ENOX2: variants seen among roughly 807,000 people sequenced by gnomAD.
The protein encoded by ENOX2 is ecto-NOX disulfide-thiol exchanger 2, also known as APK1 antigen.
ENOX2 carries 36 observed loss-of-function variants against 45.0 expected under a neutral mutation model. The observed-to-expected ratio is 0.80, with a 90% CI of 0.61 to 1.06. The LOEUF is 1.06. ENOX2 is among the 50% of genes least tolerant of loss of function. The pLI is 0.00. For synonymous variants in ENOX2, 174 were observed against 152.3 expected (o/e 1.14, Z -1.05); for missense variants, 423 against 462.5 (o/e 0.91, Z 0.78).
intron 2 of ENOX2, among the ~76,000 whole-genome samples, chrX:130,811,412 C>T (rs2077386700): frequency 8.9e-6 from 1 of 111,923 alleles, no homozygotes; most frequent in Non-Finnish European, 1.9e-5. Context: ...ACAGTGAATC[C>T]AGACTCCAGG....
chrX:130,722,203 T>C (rs2038497244), intron 3 of ENOX2, among the ~76,000 whole-genome samples: 1 of 112,004 alleles, frequency 8.9e-6, no homozygotes. Flanking sequence ...GGAACCAGGA[T>C]GGAGGTGTCT....
At chrX:130,881,898 A>G (rs1240155888) in intron 2 of ENOX2, among the ~76,000 whole-genome samples, 1 of 111,996 alleles carries the variant, frequency 8.9e-6, no homozygotes, top group African/African-American at 3.2e-5. Context: ...TTTAGCTAGC[A>G]GAAGAGGAGA....
intron 9 of ENOX2, among the ~76,000 whole-genome samples, chrX:130,661,022 T>A (rs1021175080): frequency 3.6e-5 from 4 of 112,161 alleles, no homozygotes; most frequent in Non-Finnish European, 5.6e-5. Context: ...TTTTGATTTA[T>A]CATAAAGTAA....
intron 2 of ENOX2, among the ~76,000 whole-genome samples, chrX:130,897,564 C>T (rs999579756): frequency 8.9e-6 from 1 of 112,011 alleles, no homozygotes; most frequent in African/African-American, 3.2e-5. Context: ...TATTTTTGCT[C>T]TGAGAATTAA....
chrX:130,757,548 T>C (rs1463830606), intron 3 of ENOX2, among the ~76,000 whole-genome samples: 1 of 111,644 alleles, frequency 9.0e-6, no homozygotes, highest in Non-Finnish European at 1.9e-5. Flanking sequence ...AAATGGCCCT[T>C]CCCAGTTCTT....
At chrX:130,732,676 G>A (rs911229200) in intron 3 of ENOX2, among the ~76,000 whole-genome samples, 1 of 107,012 alleles carries the variant, frequency 9.3e-6, no homozygotes, top group Non-Finnish European at 1.9e-5. Context: ...GCACAGAATG[G>A]AGATCCCAGA....
chrX:130,721,497 G>GTCCCAGA (rs1333308826), intron 3 of ENOX2, among the ~76,000 whole-genome samples: 1 of 112,112 alleles, frequency 8.9e-6, no homozygotes, highest in African/African-American at 3.2e-5. Context: ...GGTTCACAGT[G>GTCCCAGA]TCCCAGATGA....
intron 2 of ENOX2, among the ~76,000 whole-genome samples, chrX:130,821,741 T>TAAAAAAAAAAAA (rs1569505783): frequency 1.7e-4 from 4 of 24,189 alleles, no homozygotes; most frequent in Non-Finnish European, 2.3e-4. Context: ...AATAAATAAA[T>TAAAAAAAAAAAA]TAAAAAAAAA....
intron 3 of ENOX2, among the ~76,000 whole-genome samples, chrX:130,714,273 G>A (rs1569491873): frequency 1.8e-5 from 2 of 112,152 alleles, no homozygotes; most frequent in Non-Finnish European, 3.8e-5. Context: ...TCTGGAGTTT[G>A]GAAGGCTAGT....
intron 3 of ENOX2, among the ~76,000 whole-genome samples, chrX:130,725,502 C>T (rs1014768845): frequency 9.2e-6 from 1 of 109,273 alleles, no homozygotes; most frequent in Non-Finnish European, 1.9e-5. Context: ...GTCCCATATC[C>T]GGGTCCCTGG....
intron 3 of ENOX2, among the ~76,000 whole-genome samples, chrX:130,705,178 G>T (rs12396135): frequency 1.9e-3 from 218 of 112,106 alleles, no homozygotes; most frequent in African/African-American, 6.8e-3. Flanking sequence ...AAACTGGTAG[G>T]TTTAGAAGGA....
At chrX:130,734,549 T>C (rs2038816282) in intron 3 of ENOX2, among the ~76,000 whole-genome samples, 1 of 111,617 alleles carries the variant, frequency 9.0e-6, no homozygotes, top group Admixed American at 9.5e-5. Context: ...TTTCTCTGCC[T>C]CCATGTGTCT....
intron 2 of ENOX2, among the ~76,000 whole-genome samples, chrX:130,815,301 T>C (rs1465304080): frequency 8.9e-6 from 1 of 112,061 alleles, no homozygotes; most frequent in East Asian, 2.8e-4. Context: ...ACAGGAACAA[T>C]GGAACCAAGT....
intron 6 of ENOX2, 150 bp from the exon 7 acceptor site, chrX:130,670,348 C>A (rs1487472247): frequency 2.2e-6 from 1 of 449,873 alleles, no homozygotes; most frequent in Non-Finnish European, 3.9e-6. Flanking sequence ...TGCAGCAGTT[C>A]CAAGTGACCA....
chrX:130,839,993 CT>C (rs1387302677), intron 2 of ENOX2, among the ~76,000 whole-genome samples: 1 of 111,361 alleles, frequency 9.0e-6, no homozygotes, highest in Non-Finnish European at 1.9e-5. Context: ...AGGCTCTACT[CT>C]TTTTTACAAT....
intron 2 of ENOX2, among the ~76,000 whole-genome samples, chrX:130,807,733 T>C (rs1395128689): frequency 1.8e-5 from 2 of 111,837 alleles, no homozygotes; most frequent in East Asian, 5.6e-4. Context: ...GGCAATAGGT[T>C]GTGTTATGGT....
At chrX:130,697,680 A>G (rs779058384) in intron 4 of ENOX2, among the ~76,000 whole-genome samples, 50 of 112,014 alleles carry the variant, frequency 4.5e-4, no homozygotes, top group African/African-American at 1.3e-3. Flanking sequence ...GTACCTTCAT[A>G]CCGGCAGGCT....
intron 3 of ENOX2, among the ~76,000 whole-genome samples, chrX:130,776,767 A>T (rs1322391925): frequency 1.8e-5 from 2 of 112,075 alleles, no homozygotes; most frequent in African/African-American, 6.5e-5. Flanking sequence ...CCTTAAGGGT[A>T]GGCTGGGATG....
chrX:130,709,327 C>G, intron 3 of ENOX2: 1 of 1,142,448 alleles, frequency 8.8e-7, no homozygotes, highest in Non-Finnish European at 1.2e-6. Flanking sequence ...GCTCTGTCAT[C>G]ATTTCTGCAG....
Sources: gnomAD v4.1 joint callset for allele counts (sites outside exome capture counted in the v4.1 genomes callset) on GRCh38, gnomAD v4.1.1 for gene constraint, MANE v1.5 for transcripts, NCBI Gene and HGNC (gene_info 2026-07-23, HGNC 2026-07-21) for gene names.